EDIL3: variants seen among roughly 807,000 people sequenced by gnomAD.
The protein encoded by EDIL3 is EGF-like repeat and discoidin I-like domain-containing protein 3.
In EDIL3, 37 loss-of-function variants were observed where a neutral mutation model predicts 67.4. That is an observed-to-expected ratio of 0.55 (90% CI 0.42 to 0.72). EDIL3 has a LOEUF of 0.72. Among genes scored for constraint, EDIL3 ranks in the 30% least tolerant of loss-of-function variants. The pLI is 0.00. For missense variants in EDIL3, 527 were observed against 586.3 expected (o/e 0.90, Z 1.04); for synonymous variants, 195 against 196.3 (o/e 0.99, Z 0.05).
intron 6 of EDIL3, among the ~76,000 whole-genome samples, chr5:84,095,559 T>C (rs1178806775): frequency 2.0e-5 from 3 of 152,144 alleles, no homozygotes; most frequent in African/African-American, 4.8e-5. Context: ...CTCTAGAAAT[T>C]TGTGGAACTT....
At chr5:84,048,892 T>A (rs1025699385) in intron 9 of EDIL3, among the ~76,000 whole-genome samples, 1 of 152,164 alleles carries the variant, frequency 6.6e-6, no homozygotes, top group African/African-American at 2.4e-5. Flanking sequence ...TCACAATTAA[T>A]AGCATGATCA....
At chr5:84,254,048 A>C in intron 2 of EDIL3, 36 bp downstream of exon 2, 3 of 1,542,002 alleles carry the variant, frequency 1.9e-6, no homozygotes, top group South Asian at 1.3e-5. Flanking sequence ...TGGAAATAAA[A>C]AGATAACTAC....
At chr5:84,092,794 G>GA (rs61201154) in intron 6 of EDIL3, among the ~76,000 whole-genome samples, 24 of 145,230 alleles carry the variant, frequency 1.7e-4, no homozygotes, top group East Asian at 3.9e-4. Flanking sequence ...AACATTTGAG[G>GA]AAAAAAAAAA....
At chr5:84,250,347 C>A (rs1015161400) in intron 2 of EDIL3, among the ~76,000 whole-genome samples, 1 of 152,042 alleles carries the variant, frequency 6.6e-6, no homozygotes, top group Non-Finnish European at 1.5e-5. Context: ...AATGAGAATG[C>A]AGTATACAGA....
intron 2 of EDIL3, among the ~76,000 whole-genome samples, chr5:84,242,521 G>A (rs1744817013): frequency 6.6e-6 from 1 of 152,108 alleles, no homozygotes; most frequent in Admixed American, 6.5e-5. Flanking sequence ...TTTTTGGCTA[G>A]GTGCTGTGGC....
intron 4 of EDIL3, among the ~76,000 whole-genome samples, chr5:84,140,374 C>T (rs559697689): frequency 3.9e-5 from 6 of 152,204 alleles, no homozygotes; most frequent in Admixed American, 3.3e-4. Flanking sequence ...ATACTATTAA[C>T]GATACAAAGA....
intron 6 of EDIL3, among the ~76,000 whole-genome samples, chr5:84,081,324 C>T (rs548467546): frequency 6.6e-6 from 1 of 152,258 alleles, no homozygotes; most frequent in Admixed American, 6.5e-5. Flanking sequence ...GTTTTGAAAA[C>T]TACAGCTTGT....
At chr5:84,354,808 TAAC>T (rs1747444760) in intron 1 of EDIL3, among the ~76,000 whole-genome samples, 1 of 152,214 alleles carries the variant, frequency 6.6e-6, no homozygotes, top group Non-Finnish European at 1.5e-5. Context: ...TTTTATACCT[TAAC>T]AATCTTCATT....
At chr5:84,051,616 G>C (rs1746340577) in intron 9 of EDIL3, among the ~76,000 whole-genome samples, 1 of 152,156 alleles carries the variant, frequency 6.6e-6, no homozygotes, top group Non-Finnish European at 1.5e-5. Flanking sequence ...GTCCTTAAAG[G>C]ACCTGATGGA....
chr5:84,354,670 G>C (rs1330476341), intron 1 of EDIL3, among the ~76,000 whole-genome samples: 1 of 125,184 alleles, frequency 8.0e-6, no homozygotes, highest in Non-Finnish European at 1.7e-5. Context: ...AAAAAAAAAA[G>C]CACTAAAAAA....
chr5:84,078,881 G>A (rs1746913040), intron 6 of EDIL3: 1 of 152,124 alleles, frequency 6.6e-6, no homozygotes, highest in Non-Finnish European at 1.5e-5. Context: ...TTCTAATGTG[G>A]TGACTCTTGA....
At chr5:83,973,753 A>G (rs1261138330) in intron 9 of EDIL3, among the ~76,000 whole-genome samples, 1 of 152,102 alleles carries the variant, frequency 6.6e-6, no homozygotes, top group African/African-American at 2.4e-5. Flanking sequence ...GTCAATATGT[A>G]GAACTACATG....
At chr5:84,112,404 G>A (rs181669584) in intron 5 of EDIL3, among the ~76,000 whole-genome samples, 389 of 152,238 alleles carry the variant, frequency 2.6e-3, no homozygotes, top group African/African-American at 8.8e-3. Context: ...GAAATGGAGT[G>A]TTTGAATTTC....
chr5:84,106,549 G>C, intron 6 of EDIL3, 100 bp downstream of exon 6: 2 of 1,379,972 alleles, frequency 1.4e-6, no homozygotes, highest in Non-Finnish European at 1.9e-6. Flanking sequence ...CTGACCATAA[G>C]GAAGAGTCAC....
intron 3 of EDIL3, among the ~76,000 whole-genome samples, chr5:84,225,488 C>A (rs190149730): frequency 6.6e-6 from 1 of 151,448 alleles, no homozygotes; most frequent in East Asian, 1.9e-4. Context: ...TCTGTTTTAA[C>A]GAGGCAGTTT....
chr5:84,198,416 G>GA lies in EDIL3; in HGVS notation c.227-17896dup, dbSNP rs992757894. 4.0e-5 allele frequency among the ~76,000 whole-genome samples: 6 copies of GA among 151,660 alleles called. No homozygotes were observed. The East Asian group carries it at 7.8e-4, about 20-fold the overall frequency. ...AAGAAACTTAATTAAATCTAGATCT[G>GA]AAAAAAAAGTAGTGCTGTAGTGAAG... is the stretch of plus-strand genomic sequence containing the variant. On this transcript the variant is annotated intron_variant, in intron 3 of 10. Coordinates refer to ENST00000296591, the MANE Select transcript of EDIL3 (RefSeq NM_005711.5).
intron 4 of EDIL3, among the ~76,000 whole-genome samples, chr5:84,167,215 G>C (rs954555778): frequency 3.3e-5 from 5 of 152,082 alleles, no homozygotes; most frequent in African/African-American, 1.2e-4. Flanking sequence ...AAGGTGGTAA[G>C]AGGTGATTAA....
intron 9 of EDIL3, among the ~76,000 whole-genome samples, chr5:84,034,466 G>A (rs181391202): frequency 6.6e-6 from 1 of 152,118 alleles, no homozygotes; most frequent in Non-Finnish European, 1.5e-5. Context: ...GCTTCCTTCA[G>A]TGTAGTCATG....
intron 6 of EDIL3, among the ~76,000 whole-genome samples, chr5:84,103,348 C>T (rs1359231818): frequency 6.6e-6 from 1 of 151,804 alleles, no homozygotes; most frequent in Admixed American, 6.6e-5. Context: ...ACAATTGCAA[C>T]AAAAGCAAAA....
Sources: allele counts gnomAD v4.1 joint callset (sites outside exome capture counted in the v4.1 genomes callset), GRCh38; gene constraint gnomAD v4.1.1; transcripts MANE v1.5; gene names NCBI Gene and HGNC (gene_info 2026-07-23, HGNC 2026-07-21).